GAS7: variants seen among roughly 807,000 people sequenced by gnomAD.
GAS7 encodes the protein growth arrest-specific protein 7.
GAS7 carries 28 observed loss-of-function variants against 71.1 expected under a neutral mutation model. The ratio of observed to expected loss-of-function variants is 0.39; its 90% CI spans 0.29 to 0.54. GAS7 has a LOEUF of 0.54. Among genes scored for constraint, GAS7 ranks in the 20% least tolerant of loss-of-function variants. The pLI is 0.62. For missense variants in GAS7, 436 were observed against 627.8 expected, an observed-to-expected ratio of 0.69 and a Z score of 3.27; for synonymous variants, 258 against 245.8, an observed-to-expected ratio of 1.05 and a Z score of -0.46.
In GAS7 at chr17:10,026,322, C is replaced by T. The variant is rs2072461732; in HGVS notation, c.184-6425G>A. ...AGAAAAGCATATCCACAGGGCCCCA[C>T]ACCCCCACTCCCCCCACACCCAGAT... On this transcript the variant is annotated intron_variant, in intron 1 of 13. Transcript: ENST00000432992. This position sits in a 1 kb window ranked among gnomAD's most constrained non-coding sequence, Gnocchi z 4.5. The T allele has an allele frequency of 1.0e-6, 1 of 983,384 alleles. No homozygotes were observed. Among genetic ancestry groups the T allele is most frequent in the Non-Finnish European group, 1.2e-6 (1 of 828,162 alleles). 60.9% of individuals were successfully genotyped at this position (983,384 alleles called of 1,614,324 possible). A position where few individuals can be genotyped will look rare whatever the true frequency, so the allele number is the denominator to read the frequency against.
At position 10,103,698 on chromosome 17, in the gene GAS7, T is replaced by C. The variant is rs545806484; in HGVS notation, c.184-83801A>G. Reference sequence around the variant, plus strand: ...AAAATTAGCTGGGTGTGGTGGCACATGCCTGTAATCCCGGCTACTAGGGAG... The same window carrying C: ...AAAATTAGCTGGGTGTGGTGGCACACGCCTGTAATCCCGGCTACTAGGGAG... On this transcript the variant is annotated intron_variant, in intron 1 of 13. Coordinates refer to ENST00000432992, the MANE Select transcript of GAS7 (RefSeq NM_201433.2). The surrounding 1 kb of genome is among the most constrained non-coding windows in gnomAD (Gnocchi z 5.5). Among the ~76,000 whole-genome samples, 4 of 151,982 alleles carry C rather than the reference T, an allele frequency of 2.6e-5. No homozygotes were observed. The highest frequency in any genetic ancestry group is 5.9e-5 in the Non-Finnish European group (4 of 67,980).
At chr17:10,125,835 C>T (rs766626085) in intron 1 of GAS7, among the ~76,000 whole-genome samples, 2 of 152,110 alleles carry the variant, frequency 1.3e-5, no homozygotes, top group Non-Finnish European at 2.9e-5. Context: ...CTTTCAGAAG[C>T]CCCTCCACCC....
chr17:10,007,909 C>CG (rs2071606796), intron 2 of GAS7, among the ~76,000 whole-genome samples: 1 of 152,180 alleles, frequency 6.6e-6, no homozygotes, highest in African/African-American at 2.4e-5. Flanking sequence ...AGCTCCCCCC[C>CG]GCAACCACCA....
At chr17:10,066,407 C>T (rs1330578067) in intron 1 of GAS7, among the ~76,000 whole-genome samples, 1 of 152,238 alleles carries the variant, frequency 6.6e-6, no homozygotes, top group African/African-American at 2.4e-5. Context: ...CTCAAACTCC[C>T]GACCTCAGGT....
Position 10,103,238 on chromosome 17 carries a change from G to A in GAS7, c.184-83341C>T, listed in dbSNP as rs12944822. ...GCACACTTGTGGTCCTAGCTACTCA[G>A]GAGGCTAAGGTGGGAGAATCACCTG... On this transcript the variant is annotated intron_variant, in intron 1 of 13. Coordinates refer to ENST00000432992, the MANE Select transcript of GAS7 (RefSeq NM_201433.2). The surrounding 1 kb of genome is among the most constrained non-coding windows in gnomAD (Gnocchi z 5.5). Among the ~76,000 whole-genome samples the A allele has an allele frequency of 0.011, 1,610 of 152,160 alleles. 12 individuals carry two copies. The highest frequency in any genetic ancestry group is 0.075 in the Middle Eastern group (22 of 294).
chr17:10,048,657 T>C (rs192454725), intron 1 of GAS7, among the ~76,000 whole-genome samples: 1 of 152,340 alleles, frequency 6.6e-6, no homozygotes, highest in Admixed American at 6.5e-5. Context: ...TACCCAAAAC[T>C]TTGTAATTCA....
In GAS7 at chr17:10,054,198, C is replaced by T. The variant is rs2073103022; in HGVS notation, c.184-34301G>A. Among the ~76,000 whole-genome samples the T allele has an allele frequency of 4.0e-5, 6 of 151,420 alleles. No homozygotes were observed. The South Asian group carries it at 1.2e-3, about 32-fold the overall frequency. On this transcript the variant is annotated intron_variant, in intron 1 of 13. Transcript: ENST00000432992. ...TTGAAAAGCATGGCCCTCTTACTTTCCTTCTTTTCATAGACATGGGTGCGG... is the reference window on the plus strand; with the variant it reads ...TTGAAAAGCATGGCCCTCTTACTTTTCTTCTTTTCATAGACATGGGTGCGG...
At chr17:9,951,319 G>A (rs2068994870) in intron 5 of GAS7, among the ~76,000 whole-genome samples, 1 of 152,272 alleles carries the variant, frequency 6.6e-6, no homozygotes, top group African/African-American at 2.4e-5. Context: ...GATGGAACGA[G>A]TAGAGTTGTG....
chr17:9,992,557 A>G (rs1387515055), intron 2 of GAS7, among the ~76,000 whole-genome samples: 1 of 138,774 alleles, frequency 7.2e-6, no homozygotes, highest in Non-Finnish European at 1.6e-5. Flanking sequence ...CCTCCTTCCC[A>G]AAGTCTTTTT....
At chr17:10,165,975 C>T (rs2074290937) in intron 1 of GAS7, among the ~76,000 whole-genome samples, 1 of 151,982 alleles carries the variant, frequency 6.6e-6, no homozygotes, top group South Asian at 2.1e-4. Flanking sequence ...CAAAAGGCAC[C>T]AGGAACCCAG....
intron 2 of GAS7, among the ~76,000 whole-genome samples, chr17:9,992,825 A>T (rs1439395366): frequency 6.8e-6 from 1 of 147,014 alleles, no homozygotes; most frequent in Non-Finnish European, 1.5e-5. Context: ...TCATTGTTCA[A>T]TTCCCACCTA....
chr17:9,913,169 G>A lies in GAS7; in HGVS notation c.*4059C>T, dbSNP rs1020818069. On this transcript the variant is annotated 3_prime_UTR_variant, in exon 14 of 14. Coordinates refer to ENST00000432992, the MANE Select transcript of GAS7 (RefSeq NM_201433.2). ...TTCCAAAGGGTGAATTTTACTGGAT[G>A]TCAATCATACCTCAATAAACCTGGG... is the stretch of plus-strand genomic sequence containing the variant. The A allele has an allele frequency of 2.0e-4, 46 of 232,294 alleles. No individual in the cohort carries two copies. The highest frequency in any genetic ancestry group is 9.5e-4 in the African/African-American group (43 of 45,396). 14.4% of individuals were successfully genotyped at this position (232,294 alleles called of 1,614,324 possible). A position where few individuals can be genotyped will look rare whatever the true frequency, so the allele number is the denominator to read the frequency against.
chr17:10,006,087 A>G (rs1446583775), intron 2 of GAS7, among the ~76,000 whole-genome samples: 1 of 152,170 alleles, frequency 6.6e-6, no homozygotes, highest in East Asian at 1.9e-4. Context: ...ACTACAGGCC[A>G]GCACACTCAT....
intron 9 of GAS7, among the ~76,000 whole-genome samples, chr17:9,927,679 T>C (rs2068059824): frequency 1.3e-5 from 2 of 152,126 alleles, no homozygotes; most frequent in African/African-American, 4.8e-5. Context: ...GGTACGCGGC[T>C]TCAGTAAAGA....
intron 5 of GAS7, among the ~76,000 whole-genome samples, chr17:9,950,460 T>C (rs1157600114): frequency 6.6e-6 from 1 of 152,078 alleles, no homozygotes. Flanking sequence ...TGCAGTGAGC[T>C]ATGATTATAT....
intron 1 of GAS7, among the ~76,000 whole-genome samples, chr17:10,181,676 A>C (rs2074418089): frequency 1.3e-5 from 2 of 152,218 alleles, no homozygotes; most frequent in Admixed American, 1.3e-4. Context: ...AGAACCTATG[A>C]AAAATGTTAA....
At chr17:10,100,679 G>A (rs2073689722) in intron 1 of GAS7, among the ~76,000 whole-genome samples, 1 of 152,138 alleles carries the variant, frequency 6.6e-6, no homozygotes, top group African/African-American at 2.4e-5. Flanking sequence ...TCTGAAAGCT[G>A]CTAGGTGACT....
intron 1 of GAS7, chr17:10,061,201 A>C (rs576511973): frequency 6.6e-6 from 1 of 152,442 alleles, no homozygotes; most frequent in East Asian, 1.9e-4. Flanking sequence ...CCCTGGAAGA[A>C]CACAACTTCC....
At chr17:10,189,912 C>T (rs1459167427) in intron 1 of GAS7, among the ~76,000 whole-genome samples, 1 of 151,446 alleles carries the variant, frequency 6.6e-6, no homozygotes, top group Non-Finnish European at 1.5e-5. Context: ...GCACTTCAGC[C>T]TGGGCAACAG....
Sources: allele counts gnomAD v4.1 joint callset (sites outside exome capture counted in the v4.1 genomes callset), GRCh38; gene constraint gnomAD v4.1.1; non-coding constraint Gnocchi (gnomAD v3.1); transcripts MANE v1.5; gene names NCBI Gene and HGNC (gene_info 2026-07-23, HGNC 2026-07-21).